The following STOX2 variants were observed in gnomAD, a reference collection of about 807,000 sequenced individuals.
STOX2 encodes the protein storkhead-box protein 2.
A neutral mutation model predicts 60.9 loss-of-function variants in STOX2; 28 were observed. The observed-to-expected ratio is 0.46, with a 90% CI of 0.34 to 0.63. STOX2 has a LOEUF of 0.63. Among genes scored for constraint, STOX2 ranks in the 30% least tolerant of loss-of-function variants. The probability of loss-of-function intolerance (pLI) is 0.01; values close to 1 mark genes in which losing one functional copy is unlikely to be tolerated. For synonymous variants in STOX2, 472 were observed against 463.9 expected (o/e 1.02, Z -0.22); for missense variants, 1,024 against 1,187.7 (o/e 0.86, Z 2.03).
Position 183,980,738 on chromosome 4 carries a change from T to G in STOX2, c.167-20587T>G, listed in dbSNP as rs1219361949. Among the ~76,000 whole-genome samples, 4 of 152,270 alleles carry G rather than the reference T, an allele frequency of 2.6e-5. No individual in the cohort carries two copies. In the South Asian group the frequency reaches 8.3e-4, roughly 32 times the overall value. On this transcript the variant is annotated intron_variant, in intron 1 of 3. Coordinates refer to ENST00000308497, the MANE Select transcript of STOX2 (RefSeq NM_020225.3). ...GAAGTATGGTGATACTTTCTTTTCA[T>G]GTATGTTTACTTTTCATTCCTCAGT...
At chr4:183,964,613 A>C (rs1366255046) in intron 1 of STOX2, among the ~76,000 whole-genome samples, 1 of 152,164 alleles carries the variant, frequency 6.6e-6, no homozygotes, top group Non-Finnish European at 1.5e-5. Context: ...TTTTTGAGAC[A>C]GAGTGTTGCT....
Position 184,009,788 on chromosome 4 carries a change from G to A in STOX2, c.950G>A (p.Arg317His), listed in dbSNP as rs755750531. The A allele has an allele frequency of 4.3e-6, 7 of 1,612,428 alleles. No homozygotes were observed. Among genetic ancestry groups the A allele is most frequent in the East Asian group, 4.5e-5 (2 of 44,848 alleles). The change falls in exon 3 of 4, where the codon CGC becomes CAC. Residue 317 changes from arginine (R) to histidine (H), a missense_variant. This residue lies in a region of STOX2 where 922 missense variants were observed against 1,058.3 expected (regional missense o/e 0.87). Transcript: ENST00000308497. The surrounding 1 kb of genome is among the most constrained non-coding windows in gnomAD (Gnocchi z 4.0). ...GAAGTAGAGATGGAAATCATTAGGC[G>A]CATTAACCCAGACCTGACCGTGGAA... The part of the protein sequence containing the change: ...PREVEMEIIR[R>H]INPDLTVENV...
At position 184,009,522 on chromosome 4, in the gene STOX2, C is replaced by G; in HGVS notation, c.684C>G (p.Pro228=). 1 of 1,614,024 alleles carries G rather than the reference C, an allele frequency of 6.2e-7. No individual in the cohort carries two copies. Among genetic ancestry groups the G allele is most frequent in the Non-Finnish European group, 8.5e-7 (1 of 1,179,890 alleles). ...AGGACTGCAAAGACCCTTACTGTCC[C>G]CCTTCTCTGTGCCAGGTGCCACCCA... The part of the protein sequence containing the change: ...SAKDCKDPYC[P]PSLCQVPPTE... The change falls in exon 3 of 4, where the codon CCC becomes CCG. Residue 228 remains proline (P), a synonymous_variant. Coordinates refer to ENST00000308497, the MANE Select transcript of STOX2 (RefSeq NM_020225.3). This position sits in a 1 kb window ranked among gnomAD's most constrained non-coding sequence, Gnocchi z 4.0.
rs555729829 is a variant in STOX2 at position 183,906,100 on chromosome 4, T to A, written c.-691T>A. On this transcript the variant is annotated 5_prime_UTR_variant, in exon 1 of 4. Transcript: ENST00000308497. ...CTGCTGTCTGCAGAGCCTGCTCGGA[T>A]CCTGTGCACACGCGCCCCCCGCTCG... 6.6e-6 allele frequency: 1 copy of A among 151,830 alleles called. No individual in the cohort carries two copies. Among genetic ancestry groups the A allele is most frequent in the Admixed American group, 6.5e-5 (1 of 15,268 alleles). The allele number at this position is 151,830 out of a possible 1,614,324, so 9.4% of individuals were successfully genotyped here. A position where few individuals can be genotyped will look rare whatever the true frequency, so the allele number is the denominator to read the frequency against.
At chr4:183,931,329 C>T (rs148562407) in intron 1 of STOX2, among the ~76,000 whole-genome samples, 15 of 152,162 alleles carry the variant, frequency 9.9e-5, no homozygotes, top group Admixed American at 3.3e-4. Context: ...GTGGCTGAGG[C>T]GGGAGAATCG....
chr4:183,877,955 G>T (rs559036106), intron 1 of STOX2, among the ~76,000 whole-genome samples: 1 of 152,244 alleles, frequency 6.6e-6, no homozygotes, highest in East Asian at 1.9e-4. Flanking sequence ...CTCCCAAAGT[G>T]CTGGGATTAC....
At chr4:183,984,802 C>T (rs1210045557) in intron 1 of STOX2, among the ~76,000 whole-genome samples, 6 of 152,182 alleles carry the variant, frequency 3.9e-5, no homozygotes, top group Non-Finnish European at 8.8e-5. Flanking sequence ...GTGTGATGTT[C>T]GTAAAGCTTT....
chr4:183,881,905 A>G (rs1740968848), intron 1 of STOX2, among the ~76,000 whole-genome samples: 1 of 152,208 alleles, frequency 6.6e-6, no homozygotes, highest in South Asian at 2.1e-4. Flanking sequence ...CTAGAAGTGG[A>G]ACTTAATTTG....
intron 1 of STOX2, among the ~76,000 whole-genome samples, chr4:183,910,184 T>C (rs1741738339): frequency 6.6e-6 from 1 of 152,138 alleles, no homozygotes; most frequent in African/African-American, 2.4e-5. Context: ...AGATGAATAA[T>C]AAAAAGTGCA....
chr4:183,897,074 G>T (rs1377812194), intron 1 of STOX2, among the ~76,000 whole-genome samples: 1 of 152,190 alleles, frequency 6.6e-6, no homozygotes, highest in Non-Finnish European at 1.5e-5. Context: ...ACCCACTGCG[G>T]TTTCCCTGGG....
intron 1 of STOX2, among the ~76,000 whole-genome samples, chr4:183,916,622 T>C (rs1741937939): frequency 6.6e-6 from 1 of 152,212 alleles, no homozygotes; most frequent in South Asian, 2.1e-4. Flanking sequence ...CAATGACTTT[T>C]GCACCAACGT....
At position 183,931,764 on chromosome 4, in the gene STOX2, G is replaced by C. The variant is rs140474386; in HGVS notation, c.166+24808G>C. 1.7e-3 allele frequency among the ~76,000 whole-genome samples: 260 copies of C among 152,298 alleles called. 2 individuals carry two copies. The highest frequency in any genetic ancestry group is 6.2e-3 in the African/African-American group (256 of 41,554). On this transcript the variant is annotated intron_variant, in intron 1 of 3. Coordinates refer to ENST00000308497, the MANE Select transcript of STOX2 (RefSeq NM_020225.3). ...GAGGGCACTATTAATAATTGCACGA[G>C]AAGAGCAGGCATAAGCTGCAACCAT... is the stretch of plus-strand genomic sequence containing the variant.
rs144612668 is a variant in STOX2 at position 183,854,279 on chromosome 4, C to A, written c.364+56224C>A. Reference sequence around the variant, plus strand: ...TCTTGAGAAGGTACTTTCTCATGAACCTCCATTAAATATCAGTAGAAGAAG... The same window carrying A: ...TCTTGAGAAGGTACTTTCTCATGAAACTCCATTAAATATCAGTAGAAGAAG... On this transcript the variant is annotated intron_variant, in intron 1 of 2. Coordinates refer to the STOX2 transcript ENST00000513034. Among the ~76,000 whole-genome samples the A allele has an allele frequency of 1.7e-3, 258 of 152,264 alleles. 3 individuals carry two copies. The East Asian group carries it at 0.019, about 11-fold the overall frequency.
chr4:183,975,389 A>C (rs1434869461), intron 1 of STOX2, among the ~76,000 whole-genome samples: 3 of 152,156 alleles, frequency 2.0e-5, no homozygotes, highest in Non-Finnish European at 4.4e-5. Context: ...AAACCAATAA[A>C]ATTAAAAATC....
chr4:183,937,935 C>T (rs1364673626), intron 1 of STOX2, among the ~76,000 whole-genome samples: 1 of 152,110 alleles, frequency 6.6e-6, no homozygotes, highest in Non-Finnish European at 1.5e-5. Flanking sequence ...ATGGCTTGAG[C>T]CCAGGAGTTC....
chr4:183,969,325 C>A (rs538721996), intron 1 of STOX2, among the ~76,000 whole-genome samples: 1 of 152,244 alleles, frequency 6.6e-6, no homozygotes, highest in Non-Finnish European at 1.5e-5. Flanking sequence ...TATAGAAGAG[C>A]TTACAGACAA....
intron 1 of STOX2, among the ~76,000 whole-genome samples, chr4:183,810,057 A>G (rs916534242): frequency 1.4e-4 from 22 of 152,244 alleles, no homozygotes; most frequent in Non-Finnish European, 2.9e-5. Flanking sequence ...ATTTTTACCT[A>G]TGAAGAATTA....
rs553603647 is a variant in STOX2, at chr4:184,019,409, T to C, written c.*2125T>C. 6.6e-6 allele frequency: 1 copy of C among 152,242 alleles called. No individual in the cohort carries two copies. The highest frequency in any genetic ancestry group is 2.4e-5 in the African/African-American group (1 of 41,460). 9.4% of individuals were successfully genotyped at this position (152,242 alleles called of 1,614,324 possible). On this transcript the variant is annotated 3_prime_UTR_variant, in exon 4 of 4. Coordinates refer to ENST00000308497, the MANE Select transcript of STOX2 (RefSeq NM_020225.3). The stretch of plus-strand genomic sequence containing the variant: ...ACTAAATATTTGTCTAAATTCATTT[T>C]TTCCAAAAACCTGCTCTCAAATTTT...
chr4:183,893,300 A>C (rs539311450), intron 1 of STOX2, among the ~76,000 whole-genome samples: 2 of 152,318 alleles, frequency 1.3e-5, no homozygotes, highest in South Asian at 4.1e-4. Flanking sequence ...GAAACCCTGC[A>C]GTAGGCTGGG....
Sources: gnomAD v4.1 joint callset for allele counts (sites outside exome capture counted in the v4.1 genomes callset) on GRCh38, gnomAD v4.1.1 for gene constraint, gnomAD v4.1.1 regional missense constraint, Gnocchi (gnomAD v3.1) non-coding constraint, MANE v1.5 for transcripts, NCBI Gene and HGNC (gene_info 2026-07-23, HGNC 2026-07-21) for gene names.